SYNE1: variants seen among roughly 807,000 people sequenced by gnomAD.
SYNE1 encodes spectrin repeat containing nuclear envelope protein 1, also known as nesprin-1.
Under a neutral mutation model 1,111.0 loss-of-function variants are expected in SYNE1, and 616 were observed. That is an observed-to-expected ratio of 0.55 (90% CI 0.52 to 0.59). The LOEUF (loss-of-function observed/expected upper bound fraction) is 0.59, where lower values mean the gene tolerates loss of function less well. SYNE1 is among the 20% of genes least tolerant of loss of function. The pLI is 0.00. For missense variants in SYNE1, 10,006 were observed against 10,417.0 expected, an observed-to-expected ratio of 0.96 and a Z score of 1.72; for synonymous variants, 3,855 against 3,825.8, an observed-to-expected ratio of 1.01 and a Z score of -0.28.
chr6:152,330,395 G>A lies in SYNE1; in HGVS notation c.14290C>T (p.Arg4764Ter), dbSNP rs769419654. The A allele has an allele frequency of 3.7e-6, 6 of 1,613,912 alleles. No individual in the cohort carries two copies. Among genetic ancestry groups the A allele is most frequent in the African/African-American group, 1.3e-5 (1 of 74,886 alleles). Residue 4764 changes from arginine (R) to a stop codon, truncating the protein, a stop_gained, in exon 78 of 146, where the codon CGA (arginine) becomes TGA (stop). Coordinates refer to ENST00000367255, the MANE Select transcript of SYNE1 (RefSeq NM_182961.4). LOFTEE classifies it high-confidence loss of function. ...AAGCTAACCCTCTGTTCTGTTTGTC[G>A]CTTCAGCCTGTGATATAAGGTGACA... ...HLVTLYHRLK[R>*]QTEQRVSLLE... is the part of the protein sequence containing the mutation.
chr6:152,436,875 AT>A (rs1457532637), intron 32 of SYNE1, among the ~76,000 whole-genome samples: 1 of 152,152 alleles, frequency 6.6e-6, no homozygotes, highest in African/African-American at 2.4e-5. Flanking sequence ...GAGACTATCA[AT>A]GATCTTTGGC....
In SYNE1 at chr6:152,219,060, CAA is replaced by C. The variant is rs2153456779; in HGVS notation, c.21985_21986del (p.Leu7329GlufsTer24). On this transcript the variant is annotated frameshift_variant, in exon 120 of 146. Coordinates refer to ENST00000367255, the MANE Select transcript of SYNE1 (RefSeq NM_182961.4). LOFTEE classifies it high-confidence loss of function. ...ASAIQSDQLSLSQHLCALEQA... is the reference protein window; with the variant it reads ...ASAIQSDQLSXSQHLCALEQA... ...GCTCCAGGGCACACAAGTGTTGACT[CAA>C]AGAGAGTTGATCCGATTGAATAGCT... The C allele has an allele frequency of 1.2e-6, 2 of 1,614,156 alleles. No homozygotes were observed. Among genetic ancestry groups the C allele is most frequent in the Non-Finnish European group, 8.5e-7 (1 of 1,180,018 alleles).
chr6:152,199,629 CCAG>C (rs1282681962), intron 127 of SYNE1, among the ~76,000 whole-genome samples: 1 of 152,118 alleles, frequency 6.6e-6, no homozygotes, highest in Non-Finnish European at 1.5e-5. Context: ...TTTTTAGATT[CCAG>C]CTAGTTTTGT....
intron 6 of SYNE1, among the ~76,000 whole-genome samples, chr6:152,519,959 A>G (rs1420851068): frequency 6.6e-6 from 1 of 152,190 alleles, no homozygotes; most frequent in African/African-American, 2.4e-5. Context: ...CCTAATCACG[A>G]GAAAATATCA....
At chr6:152,169,430 C>T (rs965127161) in intron 130 of SYNE1, among the ~76,000 whole-genome samples, 4 of 151,382 alleles carry the variant, frequency 2.6e-5, no homozygotes, top group South Asian at 2.1e-4. Flanking sequence ...GGCGTGGTGG[C>T]GGGCACCTGT....
intron 3 of SYNE1, among the ~76,000 whole-genome samples, chr6:152,587,527 C>T (rs2099544097): frequency 1.3e-5 from 2 of 152,096 alleles, no homozygotes; most frequent in South Asian, 4.1e-4. Flanking sequence ...GCAAAGGATG[C>T]CTGTAGAATA....
chr6:152,496,592 C>G (rs1371850702), intron 11 of SYNE1, among the ~76,000 whole-genome samples: 1 of 152,158 alleles, frequency 6.6e-6, no homozygotes, highest in African/African-American at 2.4e-5. Flanking sequence ...ACCCCTTACC[C>G]CAAAATCTTT....
chr6:152,471,549 T>C (rs2098805579), intron 16 of SYNE1, 48 bp downstream of exon 16: 2 of 1,582,604 alleles, frequency 1.3e-6, no homozygotes, highest in East Asian at 2.2e-5. Flanking sequence ...ACTGTGTTGC[T>C]AAATCCATGG....
At chr6:152,458,304 T>C (rs2098710055) in intron 22 of SYNE1, among the ~76,000 whole-genome samples, 2 of 152,206 alleles carry the variant, frequency 1.3e-5, no homozygotes, top group Admixed American at 1.3e-4. Flanking sequence ...ACATCCCTTA[T>C]TTCACAGAGA....
Position 152,450,663 on chromosome 6 carries a change from G to T in SYNE1, c.3357C>A (p.Leu1119=). ...RAAIDSTYRK[L]MEDPDKWKDY... ...CCTTCCACTTGTCTGGGTCTTCCAT[G>T]AGCTTCCTGTAGGTGCTGTCAATGG... The change falls in exon 27 of 146, where the codon CTC becomes CTA. Residue 1119 remains leucine (L), a synonymous_variant. Coordinates refer to ENST00000367255, the MANE Select transcript of SYNE1 (RefSeq NM_182961.4). The T allele has an allele frequency of 6.2e-7, 1 of 1,614,150 alleles. No individual in the cohort carries two copies. The highest frequency in any genetic ancestry group is 1.3e-5 in the African/African-American group (1 of 75,046).
intron 62 of SYNE1, 120 bp from the exon 63 acceptor site, chr6:152,365,139 C>G: frequency 7.7e-7 from 1 of 1,291,736 alleles, no homozygotes; most frequent in Non-Finnish European, 1.1e-6. Context: ...CCTGGAGCTC[C>G]CAGTCGGCTG....
At chr6:152,444,307 C>G (rs1482040935) in intron 30 of SYNE1, 104 bp downstream of exon 30, 2 of 1,323,636 alleles carry the variant, frequency 1.5e-6, no homozygotes, top group Admixed American at 1.7e-5. Context: ...CCCATGCCCC[C>G]TCACCCACTC....
At chr6:152,424,395 G>A (rs1457307843) in intron 39 of SYNE1, among the ~76,000 whole-genome samples, 1 of 152,182 alleles carries the variant, frequency 6.6e-6, no homozygotes, top group Non-Finnish European at 1.5e-5. Context: ...CCCTCTAAGG[G>A]ATAGGCAAAG....
At chr6:152,353,891 T>C (rs2096787447) in intron 67 of SYNE1, 147 bp from the exon 68 acceptor site, 3 of 972,596 alleles carry the variant, frequency 3.1e-6, no homozygotes, top group Non-Finnish European at 4.7e-6. Context: ...TATGTTATCT[T>C]CATAAATATT....
At chr6:152,168,277 C>A in intron 130 of SYNE1, 1 of 639,400 alleles carries the variant, frequency 1.6e-6, no homozygotes. Flanking sequence ...AAAGTTTCCC[C>A]TTGTCTGTGT....
chr6:152,609,526 C>A (rs1287880344), intron 3 of SYNE1, among the ~76,000 whole-genome samples: 1 of 152,166 alleles, frequency 6.6e-6, no homozygotes, highest in Non-Finnish European at 1.5e-5. Context: ...TCTGTAGACT[C>A]CACCTCTGTG....
At chr6:152,142,918 T>G (rs1304342837) in intron 138 of SYNE1, among the ~76,000 whole-genome samples, 1 of 152,230 alleles carries the variant, frequency 6.6e-6, no homozygotes, top group Non-Finnish European at 1.5e-5. Flanking sequence ...ACCAGTCTTT[T>G]GGATATGAAA....
chr6:152,562,704 T>A (rs770795130), intron 3 of SYNE1, among the ~76,000 whole-genome samples: 9 of 152,202 alleles, frequency 5.9e-5, no homozygotes, highest in Admixed American at 2.0e-4. Context: ...CTAATGTAGA[T>A]GATGGGTTGA....
chr6:152,391,395 A>AG lies in SYNE1; in HGVS notation c.7885dup (p.Leu2629ProfsTer48). On this transcript the variant is annotated frameshift_variant, in exon 52 of 146. Transcript: ENST00000367255. LOFTEE classifies it high-confidence loss of function. The stretch of plus-strand genomic sequence containing the variant: ...CCACATGCTTTGCAGTGCTTCCTCC[A>AG]GGGCTTCGTGCTCCTGAAGGGCCAC... The AG allele has an allele frequency of 1.2e-6, 2 of 1,613,934 alleles. No individual in the cohort carries two copies. The highest frequency in any genetic ancestry group is 1.7e-6 in the Non-Finnish European group (2 of 1,179,934).
Sources: allele counts gnomAD v4.1 joint callset (sites outside exome capture counted in the v4.1 genomes callset), GRCh38; gene constraint gnomAD v4.1.1; transcripts MANE v1.5; gene names NCBI Gene and HGNC (gene_info 2026-07-23, HGNC 2026-07-21).